Variants in ST6GALNAC3 observed in about 807,000 individuals in gnomAD.
ST6GALNAC3 encodes the protein alpha-N-acetylgalactosaminide alpha-2,6-sialyltransferase 3.
A neutral mutation model predicts 32.7 loss-of-function variants in ST6GALNAC3; 25 were observed. That is an observed-to-expected ratio of 0.76 (90% confidence interval 0.56 to 1.07). The LOEUF is 1.07. Ranked by LOEUF, ST6GALNAC3 falls within the 50% of genes least tolerant of loss-of-function variation. ST6GALNAC3 has a pLI of 0.00. For synonymous variants in ST6GALNAC3, 129 were observed against 133.1 expected, an observed-to-expected ratio of 0.97 and a Z score of 0.21; for missense variants, 355 against 382.4, an observed-to-expected ratio of 0.93 and a Z score of 0.60.
At chr1:76,598,306 A>G (rs969116745) in intron 3 of ST6GALNAC3, among the ~76,000 whole-genome samples, 3 of 152,100 alleles carry the variant, frequency 2.0e-5, no homozygotes, top group Non-Finnish European at 4.4e-5. Context: ...TGTTTTTGCA[A>G]CCAAGATGGT....
chr1:76,563,852 C>G (rs1424603998), intron 3 of ST6GALNAC3, among the ~76,000 whole-genome samples: 1 of 152,142 alleles, frequency 6.6e-6, no homozygotes, highest in African/African-American at 2.4e-5. Context: ...TCCCTTCTGC[C>G]CCTCTAAAGC....
chr1:76,463,463 A>G (rs539970776), intron 3 of ST6GALNAC3, among the ~76,000 whole-genome samples: 6 of 152,264 alleles, frequency 3.9e-5, no homozygotes, highest in Non-Finnish European at 7.4e-5. Context: ...GTATTTCTCT[A>G]TGACTCTGCA....
chr1:76,313,737 C>A (rs1646812874), intron 1 of ST6GALNAC3, 68 bp from the exon 2 acceptor site: 2 of 1,512,758 alleles, frequency 1.3e-6, no homozygotes, highest in East Asian at 2.3e-5. Context: ...AATAAAGGAA[C>A]CTCCTTCTGT....
intron 1 of ST6GALNAC3, among the ~76,000 whole-genome samples, chr1:76,283,942 T>C (rs1462775252): frequency 6.6e-6 from 1 of 152,222 alleles, no homozygotes; most frequent in Non-Finnish European, 1.5e-5. Flanking sequence ...TGTGACCATG[T>C]ATAAGGGAAC....
intron 3 of ST6GALNAC3, among the ~76,000 whole-genome samples, chr1:76,429,765 C>T (rs1655628689): frequency 6.6e-6 from 1 of 152,092 alleles, no homozygotes; most frequent in South Asian, 2.1e-4. Context: ...AGTCTTGGAT[C>T]ATCAGGAAGC....
intron 3 of ST6GALNAC3, among the ~76,000 whole-genome samples, chr1:76,564,082 T>C (rs1465343223): frequency 1.3e-5 from 2 of 152,354 alleles, no homozygotes; most frequent in East Asian, 3.9e-4. Context: ...TCTGACCTAC[T>C]AGTTTGCTCC....
At chr1:76,383,986 T>C (rs1472462813) in intron 2 of ST6GALNAC3, among the ~76,000 whole-genome samples, 6 of 152,036 alleles carry the variant, frequency 3.9e-5, no homozygotes, top group Admixed American at 3.9e-4. Context: ...AGGAGAAAAA[T>C]ATAGGACCAA....
At chr1:76,297,699 C>T (rs1175137626) in intron 1 of ST6GALNAC3, among the ~76,000 whole-genome samples, 1 of 151,974 alleles carries the variant, frequency 6.6e-6, no homozygotes, top group African/African-American at 2.4e-5. Context: ...TTGTAAAGAT[C>T]AGAGGTGATA....
In ST6GALNAC3 at chr1:76,108,640, G is replaced by T. The variant is rs111725629; in HGVS notation, c.18+33756G>T. 4.1e-4 allele frequency among the ~76,000 whole-genome samples: 63 copies of T among 152,300 alleles called. 5 individuals are homozygous for T. Among genetic ancestry groups the T allele is most frequent in the African/African-American group, 1.3e-3 (56 of 41,578 alleles). On this transcript the variant is annotated intron_variant, in intron 1 of 4. Transcript: ENST00000328299. ...TGATCACAAAGGCATCTGTAGCAAAGGATCAGTCTTTACAGGAGTTGTCTT... is the reference window on the plus strand; with the variant it reads ...TGATCACAAAGGCATCTGTAGCAAATGATCAGTCTTTACAGGAGTTGTCTT...
intron 1 of ST6GALNAC3, among the ~76,000 whole-genome samples, chr1:76,213,552 T>C (rs1486933): frequency 0.68 from 103,420 of 152,122 alleles, 38,082 homozygotes; most frequent in East Asian, 0.93. Flanking sequence ...AATACTGCAA[T>C]CAAAGTACCT....
At chr1:76,281,338 A>G (rs1439607145) in intron 1 of ST6GALNAC3, among the ~76,000 whole-genome samples, 1 of 152,224 alleles carries the variant, frequency 6.6e-6, no homozygotes, top group Non-Finnish European at 1.5e-5. Flanking sequence ...TTAATGTAGT[A>G]AAGAGGTGAA....
chr1:76,594,997 A>T (rs897377763), intron 3 of ST6GALNAC3, among the ~76,000 whole-genome samples: 1 of 152,122 alleles, frequency 6.6e-6, no homozygotes, highest in Non-Finnish European at 1.5e-5. Context: ...CAAAGTTCAA[A>T]TTTCATTGAA....
At chr1:76,122,661 C>A (rs1648957377) in intron 1 of ST6GALNAC3, among the ~76,000 whole-genome samples, 2 of 152,166 alleles carry the variant, frequency 1.3e-5, no homozygotes, top group African/African-American at 4.8e-5. Flanking sequence ...GCTCCCTGAC[C>A]AGCACAGCTT....
At chr1:76,319,258 A>G (rs1646923196) in intron 2 of ST6GALNAC3, among the ~76,000 whole-genome samples, 1 of 152,226 alleles carries the variant, frequency 6.6e-6, no homozygotes, top group South Asian at 2.1e-4. Context: ...GAGGTGCAAG[A>G]TTGCCAGAAC....
intron 1 of ST6GALNAC3, among the ~76,000 whole-genome samples, chr1:76,254,374 C>T (rs896723477): frequency 1.3e-5 from 2 of 152,040 alleles, no homozygotes; most frequent in Non-Finnish European, 2.9e-5. Context: ...TGTCTCATGC[C>T]GTGTTTTTGA....
intron 1 of ST6GALNAC3, among the ~76,000 whole-genome samples, chr1:76,140,622 T>C (rs1216912675): frequency 1.0e-5 from 1 of 96,386 alleles, no homozygotes; most frequent in African/African-American, 3.5e-5. Flanking sequence ...CTTTCTTTTC[T>C]TTCTTTCTTT....
chr1:76,499,059 A>G (rs572758802), intron 3 of ST6GALNAC3, among the ~76,000 whole-genome samples: 3 of 152,334 alleles, frequency 2.0e-5, no homozygotes, highest in South Asian at 2.1e-4. Flanking sequence ...TAGCAATAAA[A>G]TGTATAAACA....
intron 1 of ST6GALNAC3, among the ~76,000 whole-genome samples, chr1:76,223,810 C>T (rs1325079839): frequency 6.6e-6 from 1 of 151,846 alleles, no homozygotes; most frequent in Non-Finnish European, 1.5e-5. Flanking sequence ...GAATTTGATC[C>T]TGCAAACTTT....
intron 1 of ST6GALNAC3, among the ~76,000 whole-genome samples, chr1:76,208,001 G>T (rs1654916261): frequency 1.3e-5 from 2 of 151,978 alleles, no homozygotes. Flanking sequence ...CTTCAGGGGG[G>T]GCCTGCATTA....
Sources: gnomAD v4.1 joint callset for allele counts (sites outside exome capture counted in the v4.1 genomes callset) on GRCh38, gnomAD v4.1.1 for gene constraint, MANE v1.5 for transcripts, NCBI Gene and HGNC (gene_info 2026-07-23, HGNC 2026-07-21) for gene names.